CCDC125: variants seen among roughly 807,000 people sequenced by gnomAD.
CCDC125 encodes the protein coiled-coil domain-containing protein 125.
CCDC125 carries 43 observed loss-of-function variants against 57.4 expected under a neutral mutation model. That is an observed-to-expected ratio of 0.75 (90% CI 0.59 to 0.97). The LOEUF (loss-of-function observed/expected upper bound fraction) is 0.97. Ranked by LOEUF, CCDC125 falls within the 50% of genes least tolerant of loss-of-function variation. CCDC125 has a pLI of 0.00. For synonymous variants in CCDC125, 187 were observed against 195.2 expected (o/e 0.96, Z 0.35); for missense variants, 563 against 595.7 (o/e 0.95, Z 0.57).
intron 1 of CCDC125, among the ~76,000 whole-genome samples, chr5:69,330,177 T>C (rs1406799383): frequency 1.3e-5 from 2 of 152,214 alleles, no homozygotes; most frequent in Non-Finnish European, 2.9e-5. Context: ...TATCTTCTCA[T>C]ATCTGTCCTC....
chr5:69,317,082 C>A (rs1342180730), intron 2 of CCDC125, among the ~76,000 whole-genome samples: 2 of 152,108 alleles, frequency 1.3e-5, no homozygotes, highest in Non-Finnish European at 2.9e-5. Flanking sequence ...GATCTTGGCT[C>A]ACTGCAACCT....
chr5:69,288,117 C>T (rs1268225581), intron 10 of CCDC125, among the ~76,000 whole-genome samples: 1 of 152,118 alleles, frequency 6.6e-6, no homozygotes, highest in Non-Finnish European at 1.5e-5. Context: ...TGGTCTTTGA[C>T]CCCAGTTCCT....
At chr5:69,289,893 C>T (rs529717540) in intron 10 of CCDC125, among the ~76,000 whole-genome samples, 1 of 149,780 alleles carries the variant, frequency 6.7e-6, no homozygotes, top group South Asian at 2.1e-4. Flanking sequence ...TACTAAAACA[C>T]TGTCGGGAAT....
rs547741259 is a variant in CCDC125, at chr5:69,320,463, A to T, written c.78T>A (p.Gly26=). The part of the protein sequence containing the change: ...WETEEDDMTE[G]DLGYGLGRKP... The stretch of plus-strand genomic sequence containing the variant: ...TCCTTCCGAGGCCATACCCTAAATC[A>T]CCTTCTGTCATGTCATCCTCTTCTG... Residue 26 remains glycine, a synonymous_variant, in exon 2 of 12, where the codon GGT becomes GGA. Coordinates refer to ENST00000396496, the MANE Select transcript of CCDC125 (RefSeq NM_176816.5). 3 of 1,613,026 alleles carry T rather than the reference A, an allele frequency of 1.9e-6. No homozygotes were observed. Among genetic ancestry groups the T allele is most frequent in the South Asian group, 2.2e-5 (2 of 91,062 alleles).
chr5:69,299,860 G>A, intron 8 of CCDC125, 152 bp downstream of exon 8: 2 of 657,712 alleles, frequency 3.0e-6, no homozygotes, highest in Non-Finnish European at 5.5e-6. Flanking sequence ...AGCAGAACTG[G>A]AAGAACCAAC....
intron 10 of CCDC125, among the ~76,000 whole-genome samples, chr5:69,287,686 C>G (rs1359842890): frequency 6.6e-6 from 1 of 151,814 alleles, no homozygotes; most frequent in Non-Finnish European, 1.5e-5. Context: ...CCTCCCACTT[C>G]AGCCTCCCTA....
intron 9 of CCDC125, among the ~76,000 whole-genome samples, chr5:69,293,133 C>T (rs1295028733): frequency 6.6e-6 from 1 of 150,394 alleles, no homozygotes; most frequent in Non-Finnish European, 1.5e-5. Context: ...AGCCACTGCG[C>T]CCGGTCTTTC....
At chr5:69,305,703 T>C (rs1449456426) in intron 6 of CCDC125, among the ~76,000 whole-genome samples, 1 of 152,188 alleles carries the variant, frequency 6.6e-6, no homozygotes, top group African/African-American at 2.4e-5. Flanking sequence ...GAGAATGCAG[T>C]TGTGCAAGCC....
chr5:69,325,641 T>C (rs1326867115), intron 1 of CCDC125, among the ~76,000 whole-genome samples: 2 of 148,680 alleles, frequency 1.3e-5, no homozygotes, highest in East Asian at 2.0e-4. Context: ...CTGGCCAACA[T>C]GGTGAAACCT....
At chr5:69,285,293 G>T in intron 11 of CCDC125, 44 bp downstream of exon 11, 1 of 1,602,546 alleles carries the variant, frequency 6.2e-7, no homozygotes, top group Non-Finnish European at 8.5e-7. Flanking sequence ...GGTTGGACAA[G>T]CTTGGCTTAA....
chr5:69,287,655 A>T lies in CCDC125; in HGVS notation c.1100-2188T>A, dbSNP rs949671157. 2.0e-5 allele frequency among the ~76,000 whole-genome samples: 3 copies of T among 151,046 alleles called. No individual in the cohort carries two copies. In the East Asian group the frequency reaches 5.8e-4, roughly 29 times the overall value. ...TGGGATCATGACTCACTGCAGCCTC[A>T]GCCTCCCAGGCTCAAGCGATCCTCC... On this transcript the variant is annotated intron_variant, in intron 10 of 11. Transcript: ENST00000396496.
downstream of CCDC125, among the ~76,000 whole-genome samples, chr5:69,276,178 A>G (rs1222446178): frequency 6.6e-6 from 1 of 151,918 alleles, no homozygotes; most frequent in Admixed American, 6.6e-5. Context: ...ACAGACATGC[A>G]CCACCACGCC....
rs1179690861 is a variant in CCDC125 at position 69,328,736 on chromosome 5, G to A, written c.-41+3913C>T. On this transcript the variant is annotated intron_variant, in intron 1 of 11. Transcript: ENST00000396496. ...TCTAAGAATATCTACAGCTGATTCT[G>A]TACTATATGGTAATCTTGAATAGAT... 2.0e-5 allele frequency among the ~76,000 whole-genome samples: 3 copies of A among 151,562 alleles called. No individual in the cohort carries two copies. The East Asian group carries it at 5.8e-4, about 29-fold the overall frequency.
intron 10 of CCDC125, among the ~76,000 whole-genome samples, chr5:69,287,233 A>G (rs940733861): frequency 6.6e-6 from 1 of 151,878 alleles, no homozygotes; most frequent in Admixed American, 6.6e-5. Flanking sequence ...AAACTTGTAT[A>G]GATTTATAAA....
At chr5:69,323,182 G>A (rs1199437010) in intron 1 of CCDC125, among the ~76,000 whole-genome samples, 2 of 151,374 alleles carry the variant, frequency 1.3e-5, no homozygotes, top group Non-Finnish European at 2.9e-5. Context: ...TGTGGCGTGT[G>A]CCTGTAATCT....
Position 69,285,430 on chromosome 5 carries a change from C to T in CCDC125, c.1137G>A (p.Gln379=), listed in dbSNP as rs1753178281. The T allele has an allele frequency of 1.9e-6, 3 of 1,609,096 alleles. No homozygotes were observed. Among genetic ancestry groups the T allele is most frequent in the Middle Eastern group, 3.3e-4 (2 of 6,050 alleles). ...PSPRSKKTFG[Q]RLLGMLPSEN... is the part of the protein sequence containing the mutation. ...CTGAAGGGAGCATACCCAACAGTCT[C>T]TGCCCGAAGGTCTTCTTACTCCTTG... Residue 379 remains glutamine, a synonymous_variant, in exon 11 of 12, where the codon CAG becomes CAA. Coordinates refer to ENST00000396496, the MANE Select transcript of CCDC125 (RefSeq NM_176816.5).
chr5:69,305,191 A>G (rs990638489), intron 6 of CCDC125, among the ~76,000 whole-genome samples: 2 of 152,144 alleles, frequency 1.3e-5, no homozygotes, highest in African/African-American at 4.8e-5. Flanking sequence ...CATACATAAC[A>G]TGGAATATTA....
intron 7 of CCDC125, among the ~76,000 whole-genome samples, chr5:69,301,812 A>C (rs1177152840): frequency 6.6e-6 from 1 of 151,298 alleles, no homozygotes; most frequent in East Asian, 1.9e-4. Flanking sequence ...CAGGAGAATC[A>C]CTTGAACCTG....
At chr5:69,279,439 G>A (rs549499171), downstream of CCDC125, among the ~76,000 whole-genome samples, 18 of 152,136 alleles carry the variant, frequency 1.2e-4, no homozygotes, top group East Asian at 1.2e-3. Flanking sequence ...CTCGTGATCC[G>A]CCCACCTTGG....
Sources: allele counts gnomAD v4.1 joint callset (sites outside exome capture counted in the v4.1 genomes callset), GRCh38; gene constraint gnomAD v4.1.1; transcripts MANE v1.5; gene names NCBI Gene and HGNC (gene_info 2026-07-23, HGNC 2026-07-21).